IL1RAPL1: variants seen among roughly 807,000 people sequenced by gnomAD.
IL1RAPL1 encodes the protein interleukin 1 receptor accessory protein like 1.
A neutral mutation model predicts 48.4 loss-of-function variants in IL1RAPL1; 3 were observed. That is an observed-to-expected ratio of 0.06 (90% CI 0.03 to 0.16). IL1RAPL1 has a LOEUF of 0.16. IL1RAPL1 is among the 10% of genes least tolerant of loss of function. IL1RAPL1 has a pLI of 1.00. For missense variants in IL1RAPL1, 349 were observed against 530.6 expected (o/e 0.66, Z 3.36); for synonymous variants, 185 against 187.7 (o/e 0.99, Z 0.12).
chrX:28,748,768 G>A (rs1289836849), intron 1 of IL1RAPL1, among the ~76,000 whole-genome samples: 4 of 110,988 alleles, frequency 3.6e-5, no homozygotes, highest in Non-Finnish European at 5.7e-5. Context: ...CCATAACCTC[G>A]GGGATTTATC....
intron 8 of IL1RAPL1, among the ~76,000 whole-genome samples, chrX:29,933,534 T>A (rs571533708): frequency 9.1e-6 from 1 of 110,052 alleles, no homozygotes; most frequent in South Asian, 3.8e-4. Context: ...CCTAGCTTTT[T>A]ATTCAAAATT....
intron 6 of IL1RAPL1, among the ~76,000 whole-genome samples, chrX:29,863,206 G>T (rs1931626844): frequency 9.0e-6 from 1 of 111,601 alleles, no homozygotes; most frequent in African/African-American, 3.3e-5. Flanking sequence ...AAGGTACTTT[G>T]AAAATAGATT....
chrX:29,064,221 C>T (rs906177989), intron 2 of IL1RAPL1, among the ~76,000 whole-genome samples: 5 of 112,072 alleles, frequency 4.5e-5, no homozygotes, highest in Non-Finnish European at 7.5e-5. Flanking sequence ...TGGAAACACA[C>T]GCTAGACATA....
At chrX:29,158,938 C>A (rs1569248655) in intron 2 of IL1RAPL1, among the ~76,000 whole-genome samples, 2 of 62,984 alleles carry the variant, frequency 3.2e-5, no homozygotes, top group East Asian at 1.2e-3. Flanking sequence ...CTCTCCCCCC[C>A]CCTCCCTCCC....
At chrX:29,617,763 A>C (rs1464036444) in intron 5 of IL1RAPL1, among the ~76,000 whole-genome samples, 1 of 111,992 alleles carries the variant, frequency 8.9e-6, no homozygotes, top group Non-Finnish European at 1.9e-5. Context: ...TGTTTTCATC[A>C]GTTATTTAAG....
intron 3 of IL1RAPL1, among the ~76,000 whole-genome samples, chrX:29,364,562 C>CAAAAAAAAAAAAAAAAA (rs766680904): frequency 2.3e-5 from 1 of 43,581 alleles, no homozygotes. Flanking sequence ...GACTCTATCT[C>CAAAAAAAAAAAAAAAAA]AAAAAAAAAA....
intron 3 of IL1RAPL1, among the ~76,000 whole-genome samples, chrX:29,296,807 A>G (rs1932456824): frequency 8.9e-6 from 1 of 111,826 alleles, no homozygotes; most frequent in Admixed American, 9.5e-5. Context: ...CCAGACAACT[A>G]TGATTAGAAT....
chrX:29,203,493 G>A (rs1278476485), intron 2 of IL1RAPL1, among the ~76,000 whole-genome samples: 1 of 109,581 alleles, frequency 9.1e-6, no homozygotes, highest in Non-Finnish European at 1.9e-5. Flanking sequence ...GGCCAAGGCT[G>A]GTGGATCACC....
intron 2 of IL1RAPL1, among the ~76,000 whole-genome samples, chrX:28,981,442 C>T (rs1275112774): frequency 1.8e-5 from 2 of 110,965 alleles, no homozygotes; most frequent in East Asian, 5.7e-4. Flanking sequence ...TTCTATTATG[C>T]CATACTACCT....
intron 3 of IL1RAPL1, among the ~76,000 whole-genome samples, chrX:29,380,274 C>T (rs763489251): frequency 8.9e-6 from 1 of 112,048 alleles, no homozygotes; most frequent in African/African-American, 3.2e-5. Flanking sequence ...GTTGCCCAGG[C>T]TGGAGTGCAA....
intron 2 of IL1RAPL1, among the ~76,000 whole-genome samples, chrX:28,789,923 T>C (rs1273803157): frequency 8.9e-6 from 1 of 111,782 alleles, no homozygotes; most frequent in Non-Finnish European, 1.9e-5. Flanking sequence ...AATATTTTAA[T>C]AGGAAATATA....
intron 2 of IL1RAPL1, among the ~76,000 whole-genome samples, chrX:28,890,558 C>T (rs1375867000): frequency 1.8e-5 from 2 of 111,557 alleles, no homozygotes; most frequent in Non-Finnish European, 3.8e-5. Context: ...TTTTTTCTCA[C>T]TATACAAATA....
intron 2 of IL1RAPL1, among the ~76,000 whole-genome samples, chrX:29,093,608 C>T (rs1928139604): frequency 9.0e-6 from 1 of 111,466 alleles, no homozygotes; most frequent in African/African-American, 3.3e-5. Context: ...AGAACACGTT[C>T]TATAAAGGAA....
At chrX:29,239,564 G>C (rs1383421172) in intron 2 of IL1RAPL1, among the ~76,000 whole-genome samples, 1 of 112,082 alleles carries the variant, frequency 8.9e-6, no homozygotes, top group African/African-American at 3.2e-5. Flanking sequence ...TTTCATTCTG[G>C]AGGCTCTAGG....
intron 6 of IL1RAPL1, among the ~76,000 whole-genome samples, chrX:29,681,817 C>T (rs1337692940): frequency 9.0e-6 from 1 of 111,174 alleles, no homozygotes; most frequent in Non-Finnish European, 1.9e-5. Flanking sequence ...AATCCTATAA[C>T]AGGCATTAGA....
intron 5 of IL1RAPL1, among the ~76,000 whole-genome samples, chrX:29,488,689 G>A (rs1348565015): frequency 9.1e-6 from 1 of 110,275 alleles, no homozygotes; most frequent in African/African-American, 3.3e-5. Flanking sequence ...ATGAGAGGTG[G>A]TGCATATATA....
At chrX:28,956,916 A>G (rs1319014930) in intron 2 of IL1RAPL1, among the ~76,000 whole-genome samples, 1 of 110,126 alleles carries the variant, frequency 9.1e-6, no homozygotes, top group Non-Finnish European at 1.9e-5. Context: ...TTGGTAAGCT[A>G]TTGATTATTG....
At position 28,781,359 on chromosome X, in the gene IL1RAPL1, G is replaced by A. The variant is rs187074701; in HGVS notation, c.-24-7961G>A. 7.0e-3 allele frequency among the ~76,000 whole-genome samples: 746 copies of A among 107,158 alleles called. 5 individuals carry two copies. Among genetic ancestry groups the A allele is most frequent in the African/African-American group, 0.024 (705 of 29,429 alleles). The allele number at this position is 107,158 out of a possible 115,157, so 93.1% of individuals were successfully genotyped here. A position where few individuals can be genotyped will look rare whatever the true frequency, so the allele number is the denominator to read the frequency against. ...TTAGAACTGAGTCCCTCAGCTCCTA[G>A]AGGTTGATGGCCATTCCCTGTCACA... On this transcript the variant is annotated intron_variant, in intron 1 of 10. Transcript: ENST00000378993.
chrX:29,470,975 C>A (rs769072353), intron 5 of IL1RAPL1, among the ~76,000 whole-genome samples: 56 of 111,777 alleles, frequency 5.0e-4, no homozygotes, highest in Non-Finnish European at 7.7e-4. Context: ...GATATATTTA[C>A]AAAGTTATGC....
Sources: gnomAD v4.1 joint callset for allele counts (sites outside exome capture counted in the v4.1 genomes callset) on GRCh38, gnomAD v4.1.1 for gene constraint, MANE v1.5 for transcripts, NCBI Gene and HGNC (gene_info 2026-07-23, HGNC 2026-07-21) for gene names.